DMD: variants seen among roughly 807,000 people sequenced by gnomAD.
The protein encoded by DMD is dystrophin.
In DMD, 63 loss-of-function variants were observed where a neutral mutation model predicts 330.1. That is an observed-to-expected ratio of 0.19 (90% confidence interval 0.16 to 0.24). The LOEUF (loss-of-function observed/expected upper bound fraction) is 0.24. Among genes scored for constraint, DMD ranks in the 10% least tolerant of loss-of-function variants. The probability of loss-of-function intolerance (pLI) is 1.00; values close to 1 mark genes in which losing one functional copy is unlikely to be tolerated. For missense variants in DMD, 3,344 were observed against 2,684.1 expected (o/e 1.25, Z -5.43); for synonymous variants, 1,223 against 959.8 (o/e 1.27, Z -5.07).
intron 71 of DMD, among the ~76,000 whole-genome samples, 171 bp downstream of exon 71, chrX:31,177,761 C>G (rs1223903747): frequency 9.5e-6 from 1 of 105,485 alleles, no homozygotes; most frequent in Non-Finnish European, 1.9e-5. Flanking sequence ...ATGGTACTTT[C>G]AAAGTCTCAT....
chrX:32,714,514 T>C (rs2065491373), intron 7 of DMD, among the ~76,000 whole-genome samples: 2 of 111,971 alleles, frequency 1.8e-5, no homozygotes, highest in Admixed American at 1.9e-4. Context: ...CCTTTGTGGC[T>C]CGTTAGTATT....
At chrX:31,298,416 C>T (rs201701989) in intron 62 of DMD, among the ~76,000 whole-genome samples, 31 of 68,791 alleles carry the variant, frequency 4.5e-4, no homozygotes, top group African/African-American at 2.0e-3. Context: ...CACATACACA[C>T]ACACACACAC....
At chrX:31,519,028 G>A (rs1225902498) in intron 55 of DMD, among the ~76,000 whole-genome samples, 4 of 111,648 alleles carry the variant, frequency 3.6e-5, no homozygotes, top group Non-Finnish European at 5.7e-5. Context: ...GATAGGAATG[G>A]TCAACAACTG....
chrX:32,407,141 A>C lies in DMD; in HGVS notation c.4233+4611T>G, dbSNP rs184666048. Among the ~76,000 whole-genome samples, 136 of 111,690 alleles carry C rather than the reference A, an allele frequency of 1.2e-3. 2 individuals carry two copies. In the East Asian group the frequency reaches 0.014, roughly 12 times the overall value. The stretch of plus-strand genomic sequence containing the variant: ...TTGACAAATGGGATCTAATTAAACT[A>C]AAGAGCTTCTGCACAGCAAAAGAAA... On this transcript the variant is annotated intron_variant, in intron 30 of 78. Transcript: ENST00000357033.
At chrX:31,220,382 A>G (rs981905351) in intron 64 of DMD, among the ~76,000 whole-genome samples, 1 of 111,252 alleles carries the variant, frequency 9.0e-6, no homozygotes, top group African/African-American at 3.3e-5. Flanking sequence ...AATCTCACCA[A>G]AGTTACTAGG....
intron 55 of DMD, among the ~76,000 whole-genome samples, chrX:31,594,905 A>G (rs980533380): frequency 9.0e-6 from 1 of 111,450 alleles, no homozygotes; most frequent in Non-Finnish European, 1.9e-5. Context: ...CAATTTATTT[A>G]GTCATTTTTG....
At chrX:32,833,745 G>T (rs746428385) in intron 4 of DMD, among the ~76,000 whole-genome samples, 20 of 104,765 alleles carry the variant, frequency 1.9e-4, no homozygotes, top group African/African-American at 6.9e-4. Flanking sequence ...AAAGATACTT[G>T]AGTGACATTA....
At chrX:32,306,151 A>G (rs1407387380) in intron 42 of DMD, among the ~76,000 whole-genome samples, 3 of 110,406 alleles carry the variant, frequency 2.7e-5, no homozygotes, top group Non-Finnish European at 5.7e-5. Context: ...TGTTATAATA[A>G]AAGCTGAATG....
rs190715436 is a variant in DMD, at chrX:32,566,276, G to T, written c.1813-395C>A. On this transcript the variant is annotated intron_variant, in intron 15 of 78. Coordinates refer to ENST00000357033, the MANE Select transcript of DMD (RefSeq NM_004006.3). ...TCCTGACGGAATTCAAACGAAAACT[G>T]ACAATCAGGTACCAGGAGTACTGAA... is the stretch of plus-strand genomic sequence containing the variant. Among the ~76,000 whole-genome samples the T allele has an allele frequency of 6.2e-5, 7 of 112,138 alleles. No homozygotes were observed. In the East Asian group the frequency reaches 2.0e-3, roughly 32 times the overall value.
intron 30 of DMD, among the ~76,000 whole-genome samples, chrX:32,396,053 C>T (rs961863394): frequency 1.8e-5 from 2 of 110,794 alleles, no homozygotes; most frequent in Admixed American, 9.7e-5. Flanking sequence ...CTGATAAGTT[C>T]CACATTTTCC....
In DMD at chrX:33,252,895, C is replaced by G. The variant is rs1204328451; in HGVS notation, c.7+86364G>C. 7.2e-5 allele frequency among the ~76,000 whole-genome samples: 8 copies of G among 111,638 alleles called. No individual in the cohort carries two copies. In the Admixed American group the frequency reaches 7.7e-4, roughly 11 times the overall value. ...TATATTTAAAATGTGAAAGAAACTT[C>G]TTACATGTTTGTATATGACAGCAAC... On this transcript the variant is annotated intron_variant, in intron 1 of 17. Transcript: ENST00000288447.
intron 12 of DMD, among the ~76,000 whole-genome samples, chrX:32,601,664 CATCTGAAATCAGATTTTCTATGTGTAA>C (rs368669165): frequency 0.22 from 24,065 of 110,586 alleles, 2,054 homozygotes; most frequent in East Asian, 0.44. Flanking sequence ...AAAAGTGTAG[CATCTGAAATCAGATTTTCTATGTGTAA>C]TTCCTGGAAG....
At position 32,679,777 on chromosome X, in the gene DMD, C is replaced by T. The variant is rs181565175; in HGVS notation, c.960+18093G>A. On this transcript the variant is annotated intron_variant, in intron 9 of 78. Coordinates refer to ENST00000357033, the MANE Select transcript of DMD (RefSeq NM_004006.3). ...ACTTAAAACATGCTGAAAAAGACCACGTCAATCAATTTTACTCACTTTAAA... is the reference window on the plus strand; with the variant it reads ...ACTTAAAACATGCTGAAAAAGACCATGTCAATCAATTTTACTCACTTTAAA... Among the ~76,000 whole-genome samples, 26 of 109,015 alleles carry T rather than the reference C, an allele frequency of 2.4e-4. 1 individual carries two copies. The highest frequency in any genetic ancestry group is 8.4e-4 in the African/African-American group (25 of 29,918). The allele number at this position is 109,015 out of a possible 115,157, so 94.7% of individuals were successfully genotyped here. A position where few individuals can be genotyped will look rare whatever the true frequency, so the allele number is the denominator to read the frequency against.
At chrX:32,486,030 C>G (rs761574662) in intron 20 of DMD, among the ~76,000 whole-genome samples, 1 of 110,013 alleles carries the variant, frequency 9.1e-6, no homozygotes, top group African/African-American at 3.3e-5. Context: ...TGTGAGCCAC[C>G]GCGCCCAGCC....
intron 62 of DMD, among the ~76,000 whole-genome samples, chrX:31,299,838 CA>C (rs2054507133): frequency 1.0e-5 from 1 of 99,868 alleles, no homozygotes; most frequent in Admixed American, 1.1e-4. Flanking sequence ...TTGAATATTT[CA>C]AAAAATAACT....
At chrX:33,026,142 T>G in intron 1 of DMD, among the ~76,000 whole-genome samples, 1 of 107,762 alleles carries the variant, frequency 9.3e-6, no homozygotes, top group Middle Eastern at 4.9e-3. Flanking sequence ...AAGACCATCC[T>G]GGCTAACACG....
intron 65 of DMD, among the ~76,000 whole-genome samples, chrX:31,208,336 C>T (rs2044294431): frequency 8.9e-6 from 1 of 112,112 alleles, no homozygotes; most frequent in Non-Finnish European, 1.9e-5. Flanking sequence ...CCACTTTATA[C>T]AGCAACTCAG....
chrX:31,378,601 G>T (rs78763311), intron 60 of DMD, among the ~76,000 whole-genome samples: 45,225 of 107,704 alleles, frequency 0.42, 7,663 homozygotes, highest in Non-Finnish European at 0.52. Flanking sequence ...CGCCTGCCTT[G>T]GTCCTTCACC....
At chrX:32,311,945 G>A (rs115862380) in intron 41 of DMD, among the ~76,000 whole-genome samples, 15,958 of 110,914 alleles carry the variant, frequency 0.14, 1,018 homozygotes, top group African/African-American at 0.24. Flanking sequence ...TAATAAGCTC[G>A]TCTTTCTTAT....
Sources: gnomAD v4.1 joint callset for allele counts (sites outside exome capture counted in the v4.1 genomes callset) on GRCh38, gnomAD v4.1.1 for gene constraint, MANE v1.5 for transcripts, NCBI Gene and HGNC (gene_info 2026-07-23, HGNC 2026-07-21) for gene names.